PKD1L3: variants seen among roughly 807,000 people sequenced by gnomAD.
PKD1L3 encodes polycystin-1-like protein 3.
Under a neutral mutation model 184.1 loss-of-function variants are expected in PKD1L3, and 239 were observed. The observed-to-expected ratio is 1.30, with a 90% confidence interval of 1.17 to 1.45. PKD1L3 has a LOEUF of 1.45. Among genes scored for constraint, PKD1L3 ranks in the 40% most tolerant of loss-of-function variants. The pLI is 0.00. For synonymous variants in PKD1L3, 996 were observed against 778.8 expected (o/e 1.28, Z -4.64); for missense variants, 2,660 against 2,067.2 (o/e 1.29, Z -5.56).
chr16:71,967,058 G>C (rs1222591472), intron 15 of PKD1L3, 79 bp downstream of exon 15: 17 of 1,418,882 alleles, frequency 1.2e-5, no homozygotes, highest in Non-Finnish European at 1.5e-5. Flanking sequence ...GCTTTACTGT[G>C]ATTTATTGTG....
chr16:71,990,685 G>A (rs1368589610), intron 3 of PKD1L3, among the ~76,000 whole-genome samples: 1 of 152,070 alleles, frequency 6.6e-6, no homozygotes. Flanking sequence ...AGTGAGCCGA[G>A]ATTGTGCCAC....
Position 71,968,030 on chromosome 16 carries a change from C to A in PKD1L3, c.2185-23G>T, listed in dbSNP as rs774953069. ...CACCTGCAAGAAAAGCAGAACCATG[C>A]AACTTACTAGGCCTCCACTTGGTAT... On this transcript the variant is annotated intron_variant, in intron 13 of 29. Transcript: ENST00000620267. 18 of 1,532,668 alleles carry A rather than the reference C, an allele frequency of 1.2e-5. No homozygotes were observed. The African/African-American group carries it at 2.2e-4, about 19-fold the overall frequency. The allele number at this position is 1,532,668 out of a possible 1,614,324, so 94.9% of individuals were successfully genotyped here.
intron 13 of PKD1L3, 28 bp downstream of exon 13, chr16:71,969,847 A>C: frequency 1.3e-6 from 2 of 1,521,632 alleles, no homozygotes; most frequent in South Asian, 1.2e-5. Flanking sequence ...ACATCATGGC[A>C]AATCTGTTGA....
intron 4 of PKD1L3, 127 bp downstream of exon 4, chr16:71,990,153 G>T: frequency 1.5e-6 from 1 of 669,364 alleles, no homozygotes; most frequent in Non-Finnish European, 2.2e-6. Context: ...TTGCACGTAA[G>T]TACTTTATTT....
chr16:71,972,032 C>A (rs557743213), intron 12 of PKD1L3, among the ~76,000 whole-genome samples: 1 of 151,854 alleles, frequency 6.6e-6, no homozygotes, highest in African/African-American at 2.4e-5. Flanking sequence ...CTGGCTAACA[C>A]GGTGAAACCC....
chr16:71,951,606 C>G lies in PKD1L3; in HGVS notation c.3148G>C (p.Gly1050Arg). ...LSSLVSSHLE[G>R]QGCHQQGERH... is the part of the protein sequence containing the mutation. The stretch of plus-strand genomic sequence containing the variant: ...TCTCCCTGCTGATGACAGCCTTGAC[C>G]CTCCAAGTGAGATGATACGAGGCTG... Residue 1050 changes from glycine (G) to arginine (R), a missense_variant, in exon 19 of 30, where the codon GGT (glycine) becomes CGT (arginine). Coordinates refer to ENST00000620267, the MANE Select transcript of PKD1L3 (RefSeq NM_181536.2). 1 of 1,551,734 alleles carries G rather than the reference C, an allele frequency of 6.4e-7. No homozygotes were observed. Among genetic ancestry groups the G allele is most frequent in the South Asian group, 1.2e-5 (1 of 84,046 alleles).
At chr16:71,974,819 A>T (rs2039858288) in intron 11 of PKD1L3, among the ~76,000 whole-genome samples, 1 of 152,230 alleles carries the variant, frequency 6.6e-6, no homozygotes, top group Non-Finnish European at 1.5e-5. Flanking sequence ...GCAAGAACTT[A>T]GAAGTGATTG....
chr16:71,975,775 CAT>C (rs758493361), intron 11 of PKD1L3, among the ~76,000 whole-genome samples: 16 of 152,322 alleles, frequency 1.1e-4, no homozygotes, highest in East Asian at 7.7e-4. Context: ...CGTGTCTACA[CAT>C]GTGGTAAAAT....
intron 28 of PKD1L3, among the ~76,000 whole-genome samples, chr16:71,932,402 A>C (rs562286231): frequency 6.6e-6 from 1 of 152,348 alleles, no homozygotes; most frequent in African/African-American, 2.4e-5. Context: ...CTCTGAAGTG[A>C]GTAGTTATTA....
chr16:71,997,783 A>ATAAT (rs1441006728), intron 2 of PKD1L3, among the ~76,000 whole-genome samples: 1 of 151,770 alleles, frequency 6.6e-6, no homozygotes, highest in Non-Finnish European at 1.5e-5. Context: ...AAATAAATAA[A>ATAAT]TAAATACAAC....
Position 71,986,259 on chromosome 16 carries a change from A to T in PKD1L3, c.796T>A (p.Ser266Thr). Reference protein sequence around the residue: ...KEEGHPNTFTSYLQVSLQKAS... With the variant: ...KEEGHPNTFTTYLQVSLQKAS... ...TTCTGCAATGACACTTGTAGATAAG[A>T]GGTGAAGGTATTCGGATGACCTTCT... The change falls in exon 5 of 30, where the codon TCT becomes ACT. Residue 266 changes from serine (S) to threonine (T), a missense_variant. By Grantham distance (58) the Ser-to-Thr change is moderately conservative. Coordinates refer to ENST00000620267, the MANE Select transcript of PKD1L3 (RefSeq NM_181536.2). 1 of 1,552,324 alleles carries T rather than the reference A, an allele frequency of 6.4e-7. No individual in the cohort carries two copies. The highest frequency in any genetic ancestry group is 8.7e-7 in the Non-Finnish European group (1 of 1,147,126).
chr16:71,952,299 G>A (rs942135837), intron 18 of PKD1L3, among the ~76,000 whole-genome samples: 25 of 134,340 alleles, frequency 1.9e-4, no homozygotes, highest in African/African-American at 4.7e-4. Context: ...TGCAACCTCC[G>A]CCTCCTGGGT....
intron 12 of PKD1L3, among the ~76,000 whole-genome samples, chr16:71,972,097 T>C (rs1293821777): frequency 6.6e-6 from 1 of 152,066 alleles, no homozygotes; most frequent in Non-Finnish European, 1.5e-5. Context: ...GTGCCTGTAG[T>C]CCTAGCTACT....
chr16:71,943,153 T>C (rs900233070), intron 23 of PKD1L3, 129 bp from the exon 24 acceptor site: 2 of 652,526 alleles, frequency 3.1e-6, no homozygotes, highest in African/African-American at 1.8e-5. Context: ...CTGTTTCATA[T>C]GGTTCAATCT....
At chr16:71,942,513 G>A (rs779980775) in intron 24 of PKD1L3, 47 bp downstream of exon 24, 3 of 1,459,548 alleles carry the variant, frequency 2.1e-6, no homozygotes, top group African/African-American at 1.4e-5. Flanking sequence ...TTATTGAACA[G>A]CCTTCTTTGC....
Position 71,935,505 on chromosome 16 carries a change from T to G in PKD1L3, c.4466A>C (p.Lys1489Thr), listed in dbSNP as rs1453882244. Residue 1489 changes from lysine to threonine, a missense_variant, in exon 26 of 30, where the codon AAA becomes ACA. By Grantham distance (78) the Lys-to-Thr change is moderately conservative (BLOSUM62 -1). Coordinates refer to ENST00000620267, the MANE Select transcript of PKD1L3 (RefSeq NM_181536.2). The stretch of plus-strand genomic sequence containing the variant: ...AGTGAAGAACCTCCACTTCTGCTGT[T>G]TCAGCTGACAACCCTAAACATAGAC... ...YYAFIQGCQLKQQKWRFFTGK... is the reference protein window; with the variant it reads ...YYAFIQGCQLTQQKWRFFTGK... 6.4e-7 allele frequency: 1 copy of G among 1,552,212 alleles called. No individual in the cohort carries two copies. Among genetic ancestry groups the G allele is most frequent in the African/African-American group, 1.4e-5 (1 of 73,162 alleles).
intron 12 of PKD1L3, among the ~76,000 whole-genome samples, chr16:71,972,961 T>C (rs1315643880): frequency 2.6e-5 from 4 of 152,242 alleles, no homozygotes; most frequent in Non-Finnish European, 5.9e-5. Flanking sequence ...AATGTATTTC[T>C]TGAGCTATGA....
intron 22 of PKD1L3, 74 bp downstream of exon 22, chr16:71,947,418 A>G (rs777824218): frequency 6.2e-6 from 6 of 963,138 alleles, no homozygotes; most frequent in Non-Finnish European, 4.8e-6. Flanking sequence ...GGGTTAATTT[A>G]TCGAGTCAGC....
At chr16:71,985,631 C>T (rs1301134199) in intron 5 of PKD1L3, among the ~76,000 whole-genome samples, 4 of 152,268 alleles carry the variant, frequency 2.6e-5, no homozygotes. Flanking sequence ...GAAAAGGTCT[C>T]ATAAAGTTGC....
Sources: allele counts gnomAD v4.1 joint callset (sites outside exome capture counted in the v4.1 genomes callset), GRCh38; gene constraint gnomAD v4.1.1; transcripts MANE v1.5; gene names NCBI Gene and HGNC (gene_info 2026-07-23, HGNC 2026-07-21).